Variants in KIAA1958 observed in about 807,000 individuals in gnomAD.
The protein encoded by KIAA1958 is KIAA1958.
In KIAA1958, 14 loss-of-function variants were observed where a neutral mutation model predicts 47.2. That is an observed-to-expected ratio of 0.30 (90% CI 0.20 to 0.46). The LOEUF (loss-of-function observed/expected upper bound fraction) is 0.46, where lower values mean the gene tolerates loss of function less well. Among genes scored for constraint, KIAA1958 ranks in the 20% least tolerant of loss-of-function variants. The pLI is 1.00. For synonymous variants in KIAA1958, 354 were observed against 353.3 expected (o/e 1.00, Z -0.02); for missense variants, 803 against 909.2 (o/e 0.88, Z 1.50).
intron 2 of KIAA1958, among the ~76,000 whole-genome samples, chr9:112,592,528 A>G (rs1177582659): frequency 6.6e-6 from 1 of 152,214 alleles, no homozygotes; most frequent in Non-Finnish European, 1.5e-5. Context: ...TTAATGGGTC[A>G]TTGTAAGGAA....
intron 2 of KIAA1958, among the ~76,000 whole-genome samples, chr9:112,592,564 G>C (rs1161944263): frequency 2.6e-5 from 4 of 152,212 alleles, no homozygotes; most frequent in Non-Finnish European, 5.9e-5. Context: ...AAAGCACTTA[G>C]AGAGAAGTGC....
At chr9:112,518,515 T>G (rs754226100) in intron 1 of KIAA1958, among the ~76,000 whole-genome samples, 4 of 152,148 alleles carry the variant, frequency 2.6e-5, no homozygotes, top group Non-Finnish European at 4.4e-5. Flanking sequence ...AAATGCAAAC[T>G]AATTTGTAGA....
rs1837250880 is a variant in KIAA1958, at chr9:112,660,107, T to G, written c.*38T>G. The G allele has an allele frequency of 6.3e-7, 1 of 1,576,024 alleles. No homozygotes were observed. Among genetic ancestry groups the G allele is most frequent in the Non-Finnish European group, 8.7e-7 (1 of 1,155,812 alleles). On this transcript the variant is annotated 3_prime_UTR_variant, in exon 4 of 4. Transcript: ENST00000337530. ...GCCCGGCCACTGCCCTGTCACCTGCTCGGGCCAGCCAGGGTTGGAGCAGCT... is the reference window on the plus strand; with the variant it reads ...GCCCGGCCACTGCCCTGTCACCTGCGCGGGCCAGCCAGGGTTGGAGCAGCT...
intron 1 of KIAA1958, among the ~76,000 whole-genome samples, chr9:112,560,678 G>C (rs1296485387): frequency 1.3e-5 from 2 of 152,212 alleles, no homozygotes; most frequent in African/African-American, 4.8e-5. Context: ...CAAAGAGCTG[G>C]TGAGCAGCAT....
chr9:112,490,966 A>G (rs760327585), intron 1 of KIAA1958, among the ~76,000 whole-genome samples: 2 of 152,204 alleles, frequency 1.3e-5, no homozygotes, highest in African/African-American at 2.4e-5. Context: ...TTGATGTGAG[A>G]TATAACATTA....
rs1834356078 is a variant in KIAA1958, at chr9:112,513,383, C to G, written c.-25+26265C>G. Among the ~76,000 whole-genome samples the G allele has an allele frequency of 2.7e-5, 4 of 149,338 alleles. No homozygotes were observed. The South Asian group carries it at 8.6e-4, about 32-fold the overall frequency. ...AGACTTTTCTCAGCAGAGGGAACAG[C>G]CATGCAGAGGCTCAGGGGAGAGCGA... On this transcript the variant is annotated intron_variant, in intron 1 of 3. Coordinates refer to ENST00000337530, the MANE Select transcript of KIAA1958 (RefSeq NM_133465.4).
At chr9:112,521,722 AT>A (rs1176923336) in intron 1 of KIAA1958, among the ~76,000 whole-genome samples, 3 of 152,034 alleles carry the variant, frequency 2.0e-5, no homozygotes, top group Non-Finnish European at 4.4e-5. Context: ...TATATTCTGT[AT>A]TTGAAAAAAT....
intron 2 of KIAA1958, among the ~76,000 whole-genome samples, chr9:112,579,318 C>T (rs930407618): frequency 1.3e-5 from 2 of 152,054 alleles, no homozygotes; most frequent in Non-Finnish European, 2.9e-5. Context: ...AAGTCCTTTC[C>T]ATACATTGGG....
At chr9:112,641,978 A>T (rs1254259052) in intron 2 of KIAA1958, among the ~76,000 whole-genome samples, 2 of 151,992 alleles carry the variant, frequency 1.3e-5, no homozygotes, top group African/African-American at 4.8e-5. Flanking sequence ...TTTCAGGGGG[A>T]CGAGTAGGGA....
intron 2 of KIAA1958, among the ~76,000 whole-genome samples, chr9:112,595,815 C>T (rs1490046739): frequency 1.3e-5 from 2 of 148,814 alleles, no homozygotes; most frequent in Admixed American, 6.7e-5. Flanking sequence ...GACGGAGTTT[C>T]ACTCTTATTG....
chr9:112,529,548 C>G (rs1686756050), intron 1 of KIAA1958, among the ~76,000 whole-genome samples: 1 of 152,086 alleles, frequency 6.6e-6, no homozygotes, highest in Non-Finnish European at 1.5e-5. Context: ...GTGAGGTATT[C>G]TAGAGAATGT....
At chr9:112,553,225 A>C (rs1325225354) in intron 1 of KIAA1958, among the ~76,000 whole-genome samples, 1 of 141,870 alleles carries the variant, frequency 7.0e-6, no homozygotes, top group Non-Finnish European at 1.5e-5. Flanking sequence ...TCACTCTGTC[A>C]CCCAGGCCAG....
intron 2 of KIAA1958, among the ~76,000 whole-genome samples, chr9:112,600,301 G>T (rs147356215): frequency 6.6e-6 from 1 of 152,064 alleles, no homozygotes; most frequent in Non-Finnish European, 1.5e-5. Context: ...TCTCCTCCAC[G>T]TGTGAAGCCT....
rs750165610 is a variant in KIAA1958, at chr9:112,575,039, A to C, written c.959A>C (p.Gln320Pro). ...GTGAGCACATCCCATCCTAACAAAC[A>C]GATCAGTATCCCCTTGTCTGCCCTG... ...MPVSTSHPNK[Q>P]ISIPLSALQL... The change falls in exon 2 of 4, where the codon CAG (glutamine) becomes CCG (proline). Residue 320 changes from glutamine (Q) to proline (P), a missense_variant. By Grantham distance (76) the Gln-to-Pro change is moderately conservative. Coordinates refer to ENST00000337530, the MANE Select transcript of KIAA1958 (RefSeq NM_133465.4). 7 of 1,613,964 alleles carry C rather than the reference A, an allele frequency of 4.3e-6. No homozygotes were observed. The African/African-American group carries it at 8.0e-5, about 18-fold the overall frequency.
At chr9:112,554,290 G>A (rs998997988) in intron 1 of KIAA1958, among the ~76,000 whole-genome samples, 1 of 152,096 alleles carries the variant, frequency 6.6e-6, no homozygotes, top group African/African-American at 2.4e-5. Flanking sequence ...ACGAGGTCAG[G>A]AGTTTGAGAC....
In KIAA1958 at chr9:112,652,355, C is replaced by G. The variant is rs189962443; in HGVS notation, c.1344+6533C>G. The stretch of plus-strand genomic sequence containing the variant: ...CGATGTCTTTATAATTGATTGAAAC[C>G]TTAGTAACCTGGGGGAATAATCACT... On this transcript the variant is annotated intron_variant, in intron 3 of 3. Transcript: ENST00000337530. Among the ~76,000 whole-genome samples the G allele has an allele frequency of 6.4e-4, 97 of 152,218 alleles. No homozygotes were observed. In the Middle Eastern group the frequency reaches 0.017, roughly 27 times the overall value.
rs540387097 is a variant in KIAA1958, at chr9:112,635,625, A to G, written c.1172-10025A>G. On this transcript the variant is annotated intron_variant, in intron 2 of 3. Coordinates refer to ENST00000337530, the MANE Select transcript of KIAA1958 (RefSeq NM_133465.4). Reference sequence around the variant, plus strand: ...AGTTTTGGTGAGTTGTGGCTTTTCTAGATATTTGTCCATTTTATCCAAATT... The same window carrying G: ...AGTTTTGGTGAGTTGTGGCTTTTCTGGATATTTGTCCATTTTATCCAAATT... 6.6e-5 allele frequency among the ~76,000 whole-genome samples: 10 copies of G among 152,232 alleles called. No individual in the cohort carries two copies. The East Asian group carries it at 1.9e-3, about 29-fold the overall frequency.
intron 1 of KIAA1958, among the ~76,000 whole-genome samples, chr9:112,508,195 G>A (rs546652877): frequency 6.6e-6 from 1 of 151,904 alleles, no homozygotes; most frequent in East Asian, 1.9e-4. Flanking sequence ...GAGCTTCCAG[G>A]GAAAATTTAC....
chr9:112,657,502 A>G (rs1028232684), intron 3 of KIAA1958, among the ~76,000 whole-genome samples: 1 of 152,202 alleles, frequency 6.6e-6, no homozygotes, highest in African/African-American at 2.4e-5. Context: ...ACTATGATGT[A>G]TATTTATTAT....
Sources: allele counts gnomAD v4.1 joint callset (sites outside exome capture counted in the v4.1 genomes callset), GRCh38; gene constraint gnomAD v4.1.1; transcripts MANE v1.5; gene names NCBI Gene and HGNC (gene_info 2026-07-23, HGNC 2026-07-21).